Variants in NTM observed in about 807,000 individuals in gnomAD.
The protein encoded by NTM is neurotrimin.
NTM carries 13 observed loss-of-function variants against 42.1 expected under a neutral mutation model. The ratio of observed to expected loss-of-function variants is 0.31; its 90% CI spans 0.20 to 0.49. The LOEUF (loss-of-function observed/expected upper bound fraction) is 0.49. NTM is among the 20% of genes least tolerant of loss of function. The pLI, the probability that NTM is intolerant of heterozygous loss-of-function variation, is 0.99. For synonymous variants in NTM, 187 were observed against 179.2 expected (o/e 1.04, Z -0.35); for missense variants, 373 against 452.8 (o/e 0.82, Z 1.60).
At chr11:132,177,648 A>T (rs1236145251) in intron 3 of NTM, among the ~76,000 whole-genome samples, 1 of 152,218 alleles carries the variant, frequency 6.6e-6, no homozygotes, top group Non-Finnish European at 1.5e-5. Flanking sequence ...ACTAAATAAG[A>T]AGCCATAACT....
chr11:132,243,312 C>A (rs945040618), intron 4 of NTM, among the ~76,000 whole-genome samples: 8 of 152,200 alleles, frequency 5.3e-5, no homozygotes, highest in African/African-American at 1.9e-4. Flanking sequence ...AGCAAGGGTG[C>A]AAACTCCATG....
At chr11:131,783,453 G>A (rs1014921231) in intron 1 of NTM, among the ~76,000 whole-genome samples, 1 of 152,048 alleles carries the variant, frequency 6.6e-6, no homozygotes, top group African/African-American at 2.4e-5. Context: ...CATATTTTTG[G>A]GGAGGAATTG....
In NTM at chr11:131,748,647, T is replaced by C. The variant is rs570541277; in HGVS notation, c.83-162917T>C. The stretch of plus-strand genomic sequence containing the variant: ...TTCCTATAAGAAGAGAGCCTCTGAG[T>C]GAATCACACATCGGTTCAAATGACC... On this transcript the variant is annotated intron_variant, in intron 1 of 8. Transcript: ENST00000683400. Among the ~76,000 whole-genome samples the C allele has an allele frequency of 1.8e-4, 27 of 152,348 alleles. No individual in the cohort carries two copies. The South Asian group carries it at 4.3e-3, about 25-fold the overall frequency.
At chr11:132,014,045 T>A (rs1440557961) in intron 2 of NTM, among the ~76,000 whole-genome samples, 1 of 152,022 alleles carries the variant, frequency 6.6e-6, no homozygotes, top group Non-Finnish European at 1.5e-5. Flanking sequence ...ATACCCTTCC[T>A]CTCCACCCCT....
chr11:132,334,590 C>G (rs1187652503), intron 8 of NTM, among the ~76,000 whole-genome samples: 3 of 152,160 alleles, frequency 2.0e-5, no homozygotes, highest in African/African-American at 7.2e-5. Flanking sequence ...CCAACAGGTT[C>G]TTTTCTGAGC....
intron 1 of NTM, among the ~76,000 whole-genome samples, chr11:131,415,751 T>C (rs1316835212): frequency 1.3e-5 from 2 of 152,194 alleles, no homozygotes; most frequent in Non-Finnish European, 2.9e-5. Flanking sequence ...GTGATTCTGA[T>C]GTATGCTGAA....
intron 8 of NTM, among the ~76,000 whole-genome samples, chr11:132,331,387 A>T (rs963621235): frequency 1.3e-5 from 2 of 152,232 alleles, no homozygotes; most frequent in African/African-American, 4.8e-5. Flanking sequence ...ATTCTCAGTA[A>T]GTTGTATTGG....
intron 2 of NTM, among the ~76,000 whole-genome samples, chr11:132,028,261 T>G (rs2075448682): frequency 6.7e-6 from 1 of 148,750 alleles, no homozygotes; most frequent in Non-Finnish European, 1.5e-5. Context: ...TTTTTTTTTT[T>G]CGTCTTATAG....
rs1204767419 is a variant in NTM, at chr11:131,482,068, A to C, written c.82+111180A>C. On this transcript the variant is annotated intron_variant, in intron 1 of 8. Coordinates refer to ENST00000683400, the MANE Select transcript of NTM (RefSeq NM_001352005.2). Reference sequence around the variant, plus strand: ...TGAGAAGGCGGTATATAATTAACCTAGTTGGAATTGGGCCAAGGGACCCAA... The same window carrying C: ...TGAGAAGGCGGTATATAATTAACCTCGTTGGAATTGGGCCAAGGGACCCAA... Among the ~76,000 whole-genome samples the C allele has an allele frequency of 3.9e-5, 6 of 152,220 alleles. 1 individual carries two copies. Among genetic ancestry groups the C allele is most frequent in the Non-Finnish European group, 8.8e-5 (6 of 68,042 alleles).
At chr11:131,598,683 TTTTCTTTC>T (rs199821939) in intron 1 of NTM, among the ~76,000 whole-genome samples, 6,250 of 74,222 alleles carry the variant, frequency 0.084, 931 homozygotes, top group East Asian at 0.12. Flanking sequence ...TTCTCATTTG[TTTTCTTTC>T]TTTCTTTCTT....
At chr11:131,598,712 TTTCTTTC>T in intron 1 of NTM, among the ~76,000 whole-genome samples, 1 of 87,128 alleles carries the variant, frequency 1.1e-5, no homozygotes, top group Non-Finnish European at 2.5e-5. Flanking sequence ...TCTTTCTTTC[TTTCTTTC>T]TTTCTTTCTT....
intron 1 of NTM, among the ~76,000 whole-genome samples, chr11:131,415,875 TG>T (rs1946892704): frequency 6.6e-6 from 1 of 152,252 alleles, no homozygotes; most frequent in South Asian, 2.1e-4. Flanking sequence ...ATTGTCTTTA[TG>T]TGTTTATTTT....
chr11:131,392,965 T>G (rs1944192910), intron 1 of NTM, among the ~76,000 whole-genome samples: 1 of 152,170 alleles, frequency 6.6e-6, no homozygotes, highest in Admixed American at 6.5e-5. Context: ...TTAAGTGTAT[T>G]GTGCCCACAC....
intron 1 of NTM, among the ~76,000 whole-genome samples, chr11:131,400,817 T>A (rs80161412): frequency 0.014 from 2,080 of 152,156 alleles, 12 homozygotes; most frequent in Middle Eastern, 0.044. Flanking sequence ...TTTTAGAAAA[T>A]CTAGGATATG....
intron 1 of NTM, among the ~76,000 whole-genome samples, chr11:131,710,893 T>C (rs2077048887): frequency 6.6e-6 from 1 of 152,060 alleles, no homozygotes; most frequent in Non-Finnish European, 1.5e-5. Flanking sequence ...TGGATGGACA[T>C]TCCTCCTTGT....
chr11:131,641,407 G>T (rs1271347245), intron 1 of NTM, among the ~76,000 whole-genome samples: 3 of 152,180 alleles, frequency 2.0e-5, no homozygotes, highest in African/African-American at 7.2e-5. Flanking sequence ...AAATAGACCA[G>T]ACTGAAGGGA....
At chr11:132,219,720 A>G (rs2084726424) in intron 4 of NTM, among the ~76,000 whole-genome samples, 1 of 152,094 alleles carries the variant, frequency 6.6e-6, no homozygotes, top group African/African-American at 2.4e-5. Flanking sequence ...TGGATATGAC[A>G]AGGATTAAAC....
At chr11:132,184,355 T>C (rs142613198) in intron 3 of NTM, among the ~76,000 whole-genome samples, 1 of 152,340 alleles carries the variant, frequency 6.6e-6, no homozygotes, top group Admixed American at 6.5e-5. Flanking sequence ...TCATCCTCTT[T>C]GTGCTTCCTT....
intron 2 of NTM, among the ~76,000 whole-genome samples, chr11:132,093,846 G>A (rs2060644458): frequency 6.6e-6 from 1 of 152,152 alleles, no homozygotes; most frequent in Admixed American, 6.5e-5. Context: ...CAAAATATAT[G>A]TATTTATGTT....
Sources: gnomAD v4.1 joint callset for allele counts (sites outside exome capture counted in the v4.1 genomes callset) on GRCh38, gnomAD v4.1.1 for gene constraint, MANE v1.5 for transcripts, NCBI Gene and HGNC (gene_info 2026-07-23, HGNC 2026-07-21) for gene names.